Variants in TCF12 observed in about 807,000 individuals in gnomAD.
The protein encoded by TCF12 is transcription factor 12.
TCF12 carries 45 observed loss-of-function variants against 86.0 expected under a neutral mutation model. That is an observed-to-expected ratio of 0.52 (90% CI 0.41 to 0.67). The LOEUF is 0.67. TCF12 is among the 30% of genes least tolerant of loss of function. TCF12 has a pLI of 0.00. For missense variants in TCF12, 881 were observed against 859.9 expected, an observed-to-expected ratio of 1.02 and a Z score of -0.31; for synonymous variants, 330 against 299.6, an observed-to-expected ratio of 1.10 and a Z score of -1.05.
intron 3 of TCF12, among the ~76,000 whole-genome samples, chr15:56,932,459 A>G (rs2140276432): frequency 6.6e-6 from 1 of 152,322 alleles, no homozygotes; most frequent in South Asian, 2.1e-4. Flanking sequence ...ATTTGTTATA[A>G]TAAGAAGTCT....
intron 8 of TCF12, among the ~76,000 whole-genome samples, chr15:57,230,339 G>A (rs2059078664): frequency 6.6e-6 from 1 of 151,894 alleles, no homozygotes; most frequent in Non-Finnish European, 1.5e-5. Flanking sequence ...TATAGACTGT[G>A]CATCACTTTA....
At chr15:56,953,944 C>T (rs1311887560) in intron 3 of TCF12, among the ~76,000 whole-genome samples, 1 of 142,350 alleles carries the variant, frequency 7.0e-6, no homozygotes, top group Non-Finnish European at 1.5e-5. Context: ...TTATTACTTG[C>T]ATTCTCTTGC....
At chr15:57,170,705 A>ATATAAAATATATATATATAATATATT in intron 6 of TCF12, among the ~76,000 whole-genome samples, 1 of 36,760 alleles carries the variant, frequency 2.7e-5, no homozygotes, top group South Asian at 6.8e-4. Context: ...TATTATATAT[A>ATATAAAATATATATATATAATATATT]ATATATAATA....
At chr15:56,966,858 C>T (rs1184988585) in intron 3 of TCF12, among the ~76,000 whole-genome samples, 1 of 152,146 alleles carries the variant, frequency 6.6e-6, no homozygotes, top group Non-Finnish European at 1.5e-5. Flanking sequence ...CACGGTGGCT[C>T]ACGCCTGTAA....
chr15:56,936,325 G>C (rs1287825071), intron 3 of TCF12, among the ~76,000 whole-genome samples: 1 of 152,048 alleles, frequency 6.6e-6, no homozygotes, highest in Non-Finnish European at 1.5e-5. Flanking sequence ...TTTTGATGGG[G>C]TTGTTTGTTT....
At chr15:57,208,826 C>T (rs2057979747) in intron 8 of TCF12, among the ~76,000 whole-genome samples, 1 of 151,916 alleles carries the variant, frequency 6.6e-6, no homozygotes, top group African/African-American at 2.4e-5. Flanking sequence ...GGCAGTCCTC[C>T]CACCTCAGCC....
At chr15:56,957,352 A>G (rs1226618836) in intron 3 of TCF12, among the ~76,000 whole-genome samples, 1 of 152,020 alleles carries the variant, frequency 6.6e-6, no homozygotes, top group East Asian at 1.9e-4. Context: ...AACTCTAATT[A>G]TATATATATA....
At chr15:57,021,108 A>G (rs1479024957) in intron 3 of TCF12, among the ~76,000 whole-genome samples, 2 of 152,144 alleles carry the variant, frequency 1.3e-5, no homozygotes. Context: ...TCCCATATAG[A>G]ACAAAATTAT....
At chr15:57,070,043 G>A (rs550544321) in intron 4 of TCF12, among the ~76,000 whole-genome samples, 1 of 152,220 alleles carries the variant, frequency 6.6e-6, no homozygotes, top group South Asian at 2.1e-4. Flanking sequence ...TGATTAAAAG[G>A]GGGTGGGTAC....
intron 3 of TCF12, among the ~76,000 whole-genome samples, chr15:57,004,675 C>G (rs531916727): frequency 1.3e-5 from 2 of 152,190 alleles, no homozygotes; most frequent in Admixed American, 1.3e-4. Context: ...TCCTAAAGTG[C>G]TGGGATTACA....
At chr15:57,290,066 T>C (rs4774918), downstream of TCF12, among the ~76,000 whole-genome samples, 58,876 of 150,892 alleles carry the variant, frequency 0.39, 14,331 homozygotes, top group Non-Finnish European at 0.54. Context: ...TGAGTCTGGC[T>C]GGGCGTGGTG....
chr15:57,260,060 C>T (rs557131057), intron 16 of TCF12, among the ~76,000 whole-genome samples: 50 of 152,220 alleles, frequency 3.3e-4, no homozygotes, highest in South Asian at 8.3e-4. Flanking sequence ...TTTTTAAAGG[C>T]TTATATTTTT....
chr15:57,275,626 T>A (rs1235118120), intron 19 of TCF12, among the ~76,000 whole-genome samples: 3 of 152,158 alleles, frequency 2.0e-5, no homozygotes, highest in African/African-American at 7.2e-5. Context: ...TGATCACTTT[T>A]GAGAGCCTCT....
chr15:57,121,231 C>G (rs1229254106), intron 5 of TCF12, among the ~76,000 whole-genome samples: 1 of 152,176 alleles, frequency 6.6e-6, no homozygotes, highest in Admixed American at 6.5e-5. Flanking sequence ...TGAAGCTTAA[C>G]TTCGCTGATG....
intron 4 of TCF12, among the ~76,000 whole-genome samples, chr15:57,085,853 C>A (rs1212620510): frequency 6.6e-6 from 1 of 152,080 alleles, no homozygotes; most frequent in Non-Finnish European, 1.5e-5. Context: ...CTTTTGCCCA[C>A]TTAGAGGGTG....
rs868563747 is a variant in TCF12 at position 57,056,151 on chromosome 15, G to T, written c.149-7599G>T. 2.4e-3 allele frequency among the ~76,000 whole-genome samples: 335 copies of T among 138,476 alleles called. 5 individuals carry two copies. In the South Asian group the frequency reaches 0.035, roughly 15 times the overall value. The allele number at this position is 138,476 out of a possible 152,430, so 90.8% of individuals were successfully genotyped here. On this transcript the variant is annotated intron_variant, in intron 3 of 20. Coordinates refer to ENST00000333725, the MANE Select transcript of TCF12 (RefSeq NM_207037.2). Reference sequence around the variant, plus strand: ...TGTGTGTGTGTGTGTGTGTGTGTGTGTGTTTTGAGACAGAGTTTCTCTCTT... The same window carrying T: ...TGTGTGTGTGTGTGTGTGTGTGTGTTTGTTTTGAGACAGAGTTTCTCTCTT...
Position 57,253,288 on chromosome 15 carries a change from C to A in TCF12, c.1287C>A (p.Asp429Glu). 6.2e-7 allele frequency: 1 copy of A among 1,613,920 alleles called. No homozygotes were observed. Reference sequence around the variant, plus strand: ...AGTCTCGAATGGAGGATCGTTTAGACAGACTGGATGATGCAATCCATGTGC... The same window carrying A: ...AGTCTCGAATGGAGGATCGTTTAGAAAGACTGGATGATGCAATCCATGTGC... ...CEQSRMEDRL[D>E]RLDDAIHVLR... is the part of the protein sequence containing the mutation. The change falls in exon 16 of 21, where the codon GAC becomes GAA. Residue 429 changes from aspartate (D) to glutamate (E), a missense_variant. This residue lies in a region of TCF12 where 766 missense variants were observed against 718.9 expected (regional missense o/e 1.07). Coordinates refer to ENST00000333725, the MANE Select transcript of TCF12 (RefSeq NM_207037.2).
At position 56,935,103 on chromosome 15, in the gene TCF12, G is replaced by A. The variant is rs527690549; in HGVS notation, c.148+14005G>A. On this transcript the variant is annotated intron_variant, in intron 3 of 20. Coordinates refer to ENST00000333725, the MANE Select transcript of TCF12 (RefSeq NM_207037.2). ...TTGAATATAACTTCTAAGAATCTTGGGGCCAAGTGAGGTAGCTTATTTTTC... is the reference window on the plus strand; with the variant it reads ...TTGAATATAACTTCTAAGAATCTTGAGGCCAAGTGAGGTAGCTTATTTTTC... 7.8e-4 allele frequency among the ~76,000 whole-genome samples: 118 copies of A among 152,224 alleles called. 1 individual carries two copies. Among genetic ancestry groups the A allele is most frequent in the African/African-American group, 2.7e-3 (111 of 41,544 alleles).
intron 5 of TCF12, among the ~76,000 whole-genome samples, chr15:57,135,648 AAAGT>A (rs2052468098): frequency 6.6e-6 from 1 of 152,214 alleles, no homozygotes; most frequent in Non-Finnish European, 1.5e-5. Flanking sequence ...GCTTTTTAAA[AAAGT>A]ATCCAGTTTT....
Sources: gnomAD v4.1 joint callset for allele counts (sites outside exome capture counted in the v4.1 genomes callset) on GRCh38, gnomAD v4.1.1 for gene constraint, gnomAD v4.1.1 regional missense constraint, MANE v1.5 for transcripts, NCBI Gene and HGNC (gene_info 2026-07-23, HGNC 2026-07-21) for gene names.